Variants in RNF111 observed in about 807,000 individuals in gnomAD.
RNF111 encodes E3 ubiquitin-protein ligase Arkadia.
In RNF111, 17 loss-of-function variants were observed where a neutral mutation model predicts 95.1. The observed-to-expected ratio is 0.18, with a 90% CI of 0.12 to 0.27. The LOEUF (loss-of-function observed/expected upper bound fraction) is 0.27. RNF111 is among the 10% of genes least tolerant of loss of function. The pLI, the probability that RNF111 is intolerant of heterozygous loss-of-function variation, is 1.00. For synonymous variants in RNF111, 440 were observed against 414.8 expected (o/e 1.06, Z -0.74); for missense variants, 1,189 against 1,210.4 (o/e 0.98, Z 0.26).
At chr15:58,998,775 A>G (rs1428633105) in intron 1 of RNF111, among the ~76,000 whole-genome samples, 2 of 152,238 alleles carry the variant, frequency 1.3e-5, no homozygotes, top group African/African-American at 2.4e-5. Flanking sequence ...TAATTTTGGC[A>G]GTTTCTCAGG....
intron 4 of RNF111, among the ~76,000 whole-genome samples, chr15:59,057,330 G>A (rs534657075): frequency 1.3e-5 from 2 of 152,196 alleles, no homozygotes; most frequent in South Asian, 4.2e-4. Context: ...CCTTTTTTAT[G>A]TACAAGCAAT....
At chr15:59,028,393 T>TTA (rs2040732350) in intron 1 of RNF111, among the ~76,000 whole-genome samples, 5 of 152,084 alleles carry the variant, frequency 3.3e-5, no homozygotes, top group Non-Finnish European at 5.9e-5. Context: ...TTTTTTTTCA[T>TTA]ATACCTACAT....
intron 1 of RNF111, among the ~76,000 whole-genome samples, chr15:59,015,580 A>G (rs1287110150): frequency 1.3e-5 from 2 of 151,946 alleles, no homozygotes; most frequent in Non-Finnish European, 2.9e-5. Context: ...AGAAACCTAT[A>G]ATCCCTCACT....
chr15:59,075,085 T>A (rs1432571493), intron 6 of RNF111, among the ~76,000 whole-genome samples: 3 of 152,198 alleles, frequency 2.0e-5, no homozygotes, highest in African/African-American at 4.8e-5. Flanking sequence ...CATCAATGAC[T>A]ACTCATCAAA....
At chr15:59,067,902 G>A (rs1439249787) in intron 6 of RNF111, among the ~76,000 whole-genome samples, 4 of 152,104 alleles carry the variant, frequency 2.6e-5, no homozygotes, top group African/African-American at 4.8e-5. Flanking sequence ...GGCAGATGAG[G>A]TTTTCAGTTT....
intron 1 of RNF111, among the ~76,000 whole-genome samples, chr15:59,011,039 A>G (rs538154796): frequency 6.6e-6 from 1 of 152,322 alleles, no homozygotes; most frequent in African/African-American, 2.4e-5. Context: ...GGCATCTTGA[A>G]GATGAAAAAT....
intron 6 of RNF111, among the ~76,000 whole-genome samples, chr15:59,073,492 A>AAT (rs34091016): frequency 0.26 from 38,952 of 150,446 alleles, 5,085 homozygotes; most frequent in East Asian, 0.42. Context: ...AAAAAAAAAA[A>AAT]AAATAAATAA....
At chr15:59,056,401 G>A (rs541253616) in intron 4 of RNF111, among the ~76,000 whole-genome samples, 50 of 152,286 alleles carry the variant, frequency 3.3e-4, no homozygotes, top group African/African-American at 1.1e-3. Context: ...TAGAATTTAG[G>A]AATATATGAA....
At position 59,058,473 on chromosome 15, in the gene RNF111, C is replaced by A; in HGVS notation, c.1289C>A (p.Thr430Asn). ...EQASDTASAV[T>N]SSQPSTVSET... The stretch of plus-strand genomic sequence containing the variant: ...GCCTCTGATACTGCTTCAGCTGTCA[C>A]CAGTAGCCAACCTTCCACAGTGTCA... The change falls in exon 5 of 14, where the codon ACC becomes AAC. Residue 430 changes from threonine to asparagine, a missense_variant. This residue lies in a region of RNF111 where 1,024 missense variants were observed against 925.9 expected (regional missense o/e 1.11). Coordinates refer to ENST00000348370, the MANE Select transcript of RNF111 (RefSeq NM_017610.8). 2 of 1,614,090 alleles carry A rather than the reference C, an allele frequency of 1.2e-6. No individual in the cohort carries two copies. Among genetic ancestry groups the A allele is most frequent in the Non-Finnish European group, 8.5e-7 (1 of 1,179,988 alleles).
chr15:59,046,186 T>A (rs2041698836), intron 2 of RNF111, among the ~76,000 whole-genome samples: 1 of 150,948 alleles, frequency 6.6e-6, no homozygotes, highest in Non-Finnish European at 1.5e-5. Flanking sequence ...TTTGCTGCTT[T>A]TTTTTTTTTT....
chr15:59,019,529 T>C (rs1369831933), intron 1 of RNF111, among the ~76,000 whole-genome samples: 1 of 151,672 alleles, frequency 6.6e-6, no homozygotes. Flanking sequence ...TACAGTTTTG[T>C]AGTGTTTTTC....
chr15:58,988,866 A>G (rs1595999520), intron 1 of RNF111, among the ~76,000 whole-genome samples: 1 of 152,184 alleles, frequency 6.6e-6, no homozygotes, highest in South Asian at 2.1e-4. Context: ...ATTCTCTTGA[A>G]TGGTAAGATG....
At chr15:59,079,708 G>A (rs1280405933) in intron 7 of RNF111, among the ~76,000 whole-genome samples, 1 of 151,330 alleles carries the variant, frequency 6.6e-6, no homozygotes, top group Non-Finnish European at 1.5e-5. Context: ...GAGTAAGGAA[G>A]ATGTGTATTC....
chr15:59,081,060 T>C lies in RNF111; in HGVS notation c.2073T>C (p.Ala691=), dbSNP rs201328201. The change falls in exon 8 of 14, where the codon GCT becomes GCC. Residue 691 remains alanine (A), a synonymous_variant. Coordinates refer to ENST00000348370, the MANE Select transcript of RNF111 (RefSeq NM_017610.8). ...VDYVIPHPVH[A]FHSQISSHAT... ...ATGTTATTCCTCATCCTGTACATGC[T>C]TTCCATTCTCAAATATCTTCTCATG... The C allele has an allele frequency of 6.8e-6, 11 of 1,614,140 alleles. No homozygotes were observed. Among genetic ancestry groups the C allele is most frequent in the Non-Finnish European group, 1.7e-6 (2 of 1,180,024 alleles).
intron 2 of RNF111, among the ~76,000 whole-genome samples, chr15:59,046,787 C>T (rs1247023665): frequency 6.6e-6 from 1 of 152,140 alleles, no homozygotes; most frequent in East Asian, 1.9e-4. Context: ...AAAGGCATGT[C>T]ACAGACTGGG....
rs1433166709 is a variant in RNF111, at chr15:59,031,183, C to T, written c.361C>T (p.His121Tyr). Residue 121 changes from histidine to tyrosine, a missense_variant, in exon 2 of 14, where the codon CAC becomes TAC. By Grantham distance (83) the His-to-Tyr change is moderately conservative. This residue lies in a region of RNF111 where 1,024 missense variants were observed against 925.9 expected (regional missense o/e 1.11). Coordinates refer to ENST00000348370, the MANE Select transcript of RNF111 (RefSeq NM_017610.8). The part of the protein sequence containing the change: ...ENQGILGLRQ[H>Y]LGTPSDEDND... ...CCAGGGAATATTAGGACTGAGGCAA[C>T]ACCTAGGGACACCAAGTGATGAAGA... 1.9e-6 allele frequency: 3 copies of T among 1,614,068 alleles called. No homozygotes were observed. Among genetic ancestry groups the T allele is most frequent in the South Asian group, 1.1e-5 (1 of 91,082 alleles).
At chr15:59,018,005 T>C (rs1187797208) in intron 1 of RNF111, among the ~76,000 whole-genome samples, 1 of 152,076 alleles carries the variant, frequency 6.6e-6, no homozygotes, top group Admixed American at 6.6e-5. Flanking sequence ...GTGACCCACC[T>C]GCCTCAGCCT....
intron 1 of RNF111, among the ~76,000 whole-genome samples, chr15:58,988,667 G>C (rs2038677290): frequency 6.6e-6 from 1 of 152,230 alleles, no homozygotes; most frequent in East Asian, 1.9e-4. Flanking sequence ...TGTTACAACA[G>C]TTCTTAAATA....
chr15:59,076,163 G>A lies in RNF111; in HGVS notation c.1896G>A (p.Gln632=). 6.2e-7 allele frequency: 1 copy of A among 1,613,670 alleles called. No homozygotes were observed. The highest frequency in any genetic ancestry group is 8.5e-7 in the Non-Finnish European group (1 of 1,180,004). ...GSSMVAQPQP[Q]PPPQPSLSSC... ...GCATGGTTGCGCAGCCCCAGCCCCA[G>A]CCCCCTCCACAGCCCTCTCTCTCAT... The change falls in exon 7 of 14, where the codon CAG becomes CAA. Residue 632 remains glutamine, a synonymous_variant. Transcript: ENST00000348370.
Sources: gnomAD v4.1 joint callset for allele counts (sites outside exome capture counted in the v4.1 genomes callset) on GRCh38, gnomAD v4.1.1 for gene constraint, gnomAD v4.1.1 regional missense constraint, MANE v1.5 for transcripts, NCBI Gene and HGNC (gene_info 2026-07-23, HGNC 2026-07-21) for gene names.